SORCS2: variants seen among roughly 807,000 people sequenced by gnomAD.
SORCS2 encodes VPS10 domain-containing receptor SorCS2.
Under a neutral mutation model 141.6 loss-of-function variants are expected in SORCS2, and 100 were observed. The ratio of observed to expected loss-of-function variants is 0.71; its 90% CI spans 0.60 to 0.83. The LOEUF is 0.83. Ranked by LOEUF, SORCS2 falls within the 40% of genes least tolerant of loss-of-function variation. The probability of loss-of-function intolerance (pLI) is 0.00; values close to 1 mark genes in which losing one functional copy is unlikely to be tolerated. For missense variants in SORCS2, 1,646 were observed against 1,560.2 expected (o/e 1.05, Z -0.93); for synonymous variants, 789 against 676.9 (o/e 1.17, Z -2.57).
At chr4:7,205,753 T>C (rs4461527) in intron 1 of SORCS2, among the ~76,000 whole-genome samples, 91,668 of 152,154 alleles carry the variant, frequency 0.6, 29,664 homozygotes, top group East Asian at 0.92. Flanking sequence ...GTAGAAATAA[T>C]GCCCTGAGGC....
intron 8 of SORCS2, among the ~76,000 whole-genome samples, chr4:7,674,388 A>G (rs2108946597): frequency 6.6e-6 from 1 of 151,916 alleles, no homozygotes. Flanking sequence ...CCTGGCTAAC[A>G]CAGTGAAACC....
rs1715262275 is a variant in SORCS2 at position 7,273,276 on chromosome 4, A to T, written c.480+80150A>T. ...GAGAGGATCTGTCAATGGAAGGCTG[A>T]GGAAGGTGGATGGAGAGAAGAAAAT... On this transcript the variant is annotated intron_variant, in intron 1 of 26. Coordinates refer to ENST00000507866, the MANE Select transcript of SORCS2 (RefSeq NM_020777.3). Among the ~76,000 whole-genome samples the T allele has an allele frequency of 2.0e-5, 3 of 152,218 alleles. No homozygotes were observed. The East Asian group carries it at 5.8e-4, about 29-fold the overall frequency.
intron 2 of SORCS2, among the ~76,000 whole-genome samples, chr4:7,444,318 G>A (rs573383456): frequency 2.0e-5 from 3 of 152,328 alleles, no homozygotes; most frequent in African/African-American, 7.2e-5. Context: ...CAATATGGAG[G>A]AAAGTGATGA....
intron 1 of SORCS2, among the ~76,000 whole-genome samples, chr4:7,381,120 A>T (rs1385902764): frequency 2.0e-5 from 3 of 150,734 alleles, no homozygotes; most frequent in Non-Finnish European, 4.4e-5. Flanking sequence ...ATTAACAATG[A>T]CAGCTTCATG....
chr4:7,655,888 A>G (rs1212604185), intron 5 of SORCS2, among the ~76,000 whole-genome samples: 1 of 152,180 alleles, frequency 6.6e-6, no homozygotes, highest in Non-Finnish European at 1.5e-5. Flanking sequence ...AAACCGACCC[A>G]CAGCGCCCAG....
intron 8 of SORCS2, among the ~76,000 whole-genome samples, chr4:7,671,625 G>C (rs917625089): frequency 2.6e-5 from 4 of 152,144 alleles, no homozygotes; most frequent in Admixed American, 6.5e-5. Context: ...AGGAATCTGA[G>C]AACTTAAAGA....
intron 2 of SORCS2, among the ~76,000 whole-genome samples, chr4:7,457,019 G>A (rs1693841787): frequency 6.6e-6 from 1 of 152,142 alleles, no homozygotes. Context: ...CACTGGGCAT[G>A]GTGCTGGCAG....
chr4:7,726,691 C>A, intron 20 of SORCS2, 89 bp from the exon 21 acceptor site: 1 of 1,512,400 alleles, frequency 6.6e-7, no homozygotes, highest in South Asian at 1.3e-5. Flanking sequence ...GACAGCAATG[C>A]TCTCAGTGAG....
chr4:7,196,896 A>G (rs948014691), intron 1 of SORCS2, among the ~76,000 whole-genome samples: 1 of 152,194 alleles, frequency 6.6e-6, no homozygotes, highest in African/African-American at 2.4e-5. Flanking sequence ...AGCTTCTACT[A>G]TACTACCCAT....
chr4:7,273,642 G>A (rs923871462), intron 1 of SORCS2, among the ~76,000 whole-genome samples: 2 of 152,220 alleles, frequency 1.3e-5, no homozygotes, highest in African/African-American at 4.8e-5. Flanking sequence ...GAAAGGAATG[G>A]GGCTGGCTAG....
intron 2 of SORCS2, among the ~76,000 whole-genome samples, chr4:7,530,539 T>TCGATAGAG (rs1446806801): frequency 6.6e-6 from 1 of 152,182 alleles, no homozygotes; most frequent in Non-Finnish European, 1.5e-5. Context: ...GGATTCTGCA[T>TCGATAGAG]CGATAGAGCA....
chr4:7,366,148 C>G (rs1721870669), intron 1 of SORCS2, among the ~76,000 whole-genome samples: 1 of 152,180 alleles, frequency 6.6e-6, no homozygotes, highest in South Asian at 2.1e-4. Context: ...TGCCACCCTC[C>G]TCCTCCTTGG....
chr4:7,552,963 G>A (rs1454536460), intron 3 of SORCS2, among the ~76,000 whole-genome samples: 2 of 152,182 alleles, frequency 1.3e-5, no homozygotes, highest in Non-Finnish European at 2.9e-5. Flanking sequence ...GGCAGAACTA[G>A]GAAGGGAGCG....
At chr4:7,396,081 C>A (rs1366338728) in intron 1 of SORCS2, among the ~76,000 whole-genome samples, 1 of 152,210 alleles carries the variant, frequency 6.6e-6, no homozygotes, top group African/African-American at 2.4e-5. Flanking sequence ...AGAGCACAAG[C>A]AAGTCCTCAG....
At chr4:7,678,169 A>G (rs1196634034) in intron 9 of SORCS2, among the ~76,000 whole-genome samples, 1 of 152,240 alleles carries the variant, frequency 6.6e-6, no homozygotes, top group East Asian at 1.9e-4. Context: ...GAGACACAGC[A>G]CAGGGGCGGT....
At chr4:7,688,283 C>G (rs563350686) in intron 10 of SORCS2, among the ~76,000 whole-genome samples, 9 of 152,180 alleles carry the variant, frequency 5.9e-5, no homozygotes, top group Non-Finnish European at 1.3e-4. Flanking sequence ...CCGTCACTGT[C>G]TTCATTTTGC....
intron 2 of SORCS2, among the ~76,000 whole-genome samples, chr4:7,445,010 G>GGGGAGCAGA (rs1727898306): frequency 2.0e-5 from 3 of 152,230 alleles, no homozygotes; most frequent in Non-Finnish European, 4.4e-5. Flanking sequence ...GATCCAGGGC[G>GGGGAGCAGA]GGGAGCAGAG....
rs552157192 is a variant in SORCS2, at chr4:7,259,522, G to A, written c.480+66396G>A. On this transcript the variant is annotated intron_variant, in intron 1 of 26. Transcript: ENST00000507866. ...GAGCACTGTGCTTTCCCTGGAACAG[G>A]AGCTGTCCCTGACGTCAGGCCCAGG... 3.9e-5 allele frequency among the ~76,000 whole-genome samples: 6 copies of A among 152,314 alleles called. No individual in the cohort carries two copies. In the South Asian group the frequency reaches 1.0e-3, roughly 26 times the overall value.
chr4:7,616,555 C>T (rs1439984653), intron 3 of SORCS2, among the ~76,000 whole-genome samples: 17 of 152,288 alleles, frequency 1.1e-4, no homozygotes, highest in Admixed American at 9.8e-4. Context: ...GATCTCCTCC[C>T]GCAAGGACCC....
Sources: allele counts gnomAD v4.1 joint callset (sites outside exome capture counted in the v4.1 genomes callset), GRCh38; gene constraint gnomAD v4.1.1; transcripts MANE v1.5; gene names NCBI Gene and HGNC (gene_info 2026-07-23, HGNC 2026-07-21).